The following PPM1L variants were observed in gnomAD, a reference collection of about 807,000 sequenced individuals.
The protein encoded by PPM1L is protein phosphatase 1L.
A neutral mutation model predicts 31.4 loss-of-function variants in PPM1L; 13 were observed. The observed-to-expected ratio is 0.41, with a 90% CI of 0.27 to 0.66. The LOEUF (loss-of-function observed/expected upper bound fraction) is 0.66. Ranked by LOEUF, PPM1L falls within the 30% of genes least tolerant of loss-of-function variation. PPM1L has a pLI of 0.29. For synonymous variants in PPM1L, 184 were observed against 175.4 expected (o/e 1.05, Z -0.39); for missense variants, 326 against 453.7 (o/e 0.72, Z 2.56).
At chr3:160,917,028 A>G (rs1342511510) in intron 1 of PPM1L, among the ~76,000 whole-genome samples, 2 of 152,210 alleles carry the variant, frequency 1.3e-5, no homozygotes, top group Non-Finnish European at 2.9e-5. Flanking sequence ...GAACACAGGC[A>G]CTACTTTCAA....
intron 2 of PPM1L, among the ~76,000 whole-genome samples, chr3:161,032,096 C>T (rs1314847873): frequency 3.9e-5 from 6 of 152,178 alleles, no homozygotes; most frequent in African/African-American, 1.4e-4. Flanking sequence ...TTTAAAATTA[C>T]TCCTTTGTAA....
intron 1 of PPM1L, among the ~76,000 whole-genome samples, chr3:160,919,591 C>G (rs1003685811): frequency 6.6e-6 from 1 of 152,018 alleles, no homozygotes; most frequent in South Asian, 2.1e-4. Context: ...GCTAAGAACG[C>G]GTAGCTTTTT....
At chr3:160,937,022 T>C (rs1373351942) in intron 1 of PPM1L, among the ~76,000 whole-genome samples, 3 of 152,184 alleles carry the variant, frequency 2.0e-5, no homozygotes, top group Admixed American at 6.5e-5. Context: ...GCCTGGCCTA[T>C]AGTAAATGCT....
chr3:161,033,751 C>A (rs1415767359), intron 2 of PPM1L, among the ~76,000 whole-genome samples: 1 of 152,078 alleles, frequency 6.6e-6, no homozygotes, highest in Non-Finnish European at 1.5e-5. Context: ...AGAAGAAAAC[C>A]TGGGCAATAC....
chr3:160,975,416 A>T (rs139270903), intron 2 of PPM1L, among the ~76,000 whole-genome samples: 2 of 152,170 alleles, frequency 1.3e-5, no homozygotes, highest in Non-Finnish European at 2.9e-5. Flanking sequence ...GAAGAAAATC[A>T]TCGGTAGCTT....
intron 1 of PPM1L, among the ~76,000 whole-genome samples, chr3:160,816,808 C>T (rs1713009463): frequency 6.6e-6 from 1 of 152,074 alleles, no homozygotes; most frequent in Admixed American, 6.6e-5. Flanking sequence ...GGCCTCACTT[C>T]TAACCTTATT....
chr3:160,794,568 A>G (rs112095116), intron 1 of PPM1L, among the ~76,000 whole-genome samples: 3 of 152,194 alleles, frequency 2.0e-5, no homozygotes, highest in African/African-American at 7.2e-5. Flanking sequence ...TATCATTTGT[A>G]ACTTCTAAAA....
rs73158241 is a variant in PPM1L at position 160,994,012 on chromosome 3, C to T, written c.574+32102C>T. Among the ~76,000 whole-genome samples the T allele has an allele frequency of 3.8e-3, 574 of 151,842 alleles. 4 individuals carry two copies. The highest frequency in any genetic ancestry group is 6.8e-3 in the Middle Eastern group (2 of 292). The stretch of plus-strand genomic sequence containing the variant: ...TTCTCATGTATGTAAGTAAATTTAT[C>T]CTGATGCCTTTTCTGGTCTTTTTGC... On this transcript the variant is annotated intron_variant, in intron 2 of 3. Transcript: ENST00000498165.
rs557420890 is a variant in PPM1L, at chr3:160,835,936, A to G, written c.399+79229A>G. Among the ~76,000 whole-genome samples the G allele has an allele frequency of 2.6e-5, 4 of 151,634 alleles. No homozygotes were observed. In the East Asian group the frequency reaches 7.8e-4, roughly 30 times the overall value. On this transcript the variant is annotated intron_variant, in intron 1 of 3. Coordinates refer to ENST00000498165, the MANE Select transcript of PPM1L (RefSeq NM_139245.4). ...CATTATCCAGGGGGTATCTAGGGATACCCCCTGGATAGTCTGCTTTTTGAT... is the reference window on the plus strand; with the variant it reads ...CATTATCCAGGGGGTATCTAGGGATGCCCCCTGGATAGTCTGCTTTTTGAT...
At chr3:160,785,827 G>T in intron 1 of PPM1L, among the ~76,000 whole-genome samples, 1 of 146,358 alleles carries the variant, frequency 6.8e-6, no homozygotes, top group Middle Eastern at 3.6e-3. Flanking sequence ...AGACAGCGGT[G>T]CACTGTTTTT....
At chr3:160,757,398 C>T (rs916762167) in intron 1 of PPM1L, among the ~76,000 whole-genome samples, 16 of 152,274 alleles carry the variant, frequency 1.1e-4, no homozygotes, top group African/African-American at 3.9e-4. Flanking sequence ...GGAGGCGGTG[C>T]TTTGACCTCA....
At chr3:160,834,471 ATGTGTGTGTGTGTG>A (rs150328470) in intron 1 of PPM1L, among the ~76,000 whole-genome samples, 322 of 138,996 alleles carry the variant, frequency 2.3e-3, no homozygotes, top group East Asian at 7.7e-3. Context: ...GTGTATGTGT[ATGTGTGTGTGTGTG>A]TGTGTGTGTG....
At chr3:160,794,061 C>G (rs1400973850) in intron 1 of PPM1L, among the ~76,000 whole-genome samples, 1 of 147,594 alleles carries the variant, frequency 6.8e-6, no homozygotes. Flanking sequence ...TACATGACTG[C>G]TCCCTCACCG....
At chr3:160,861,583 T>C (rs977033518) in intron 1 of PPM1L, among the ~76,000 whole-genome samples, 2 of 152,190 alleles carry the variant, frequency 1.3e-5, no homozygotes, top group African/African-American at 4.8e-5. Flanking sequence ...CTAATCTGTA[T>C]AGCGGGGGAC....
chr3:160,978,557 C>T lies in PPM1L; in HGVS notation c.574+16647C>T, dbSNP rs148322328. On this transcript the variant is annotated intron_variant, in intron 2 of 3. Coordinates refer to ENST00000498165, the MANE Select transcript of PPM1L (RefSeq NM_139245.4). ...ATCTATAAAAGCTGAGGGCCAGGCA[C>T]AGTGGCTCATGCCTGTACTACCAAC... Among the ~76,000 whole-genome samples, 17 of 152,300 alleles carry T rather than the reference C, an allele frequency of 1.1e-4. No individual in the cohort carries two copies. In the East Asian group the frequency reaches 3.1e-3, roughly 28 times the overall value.
intron 3 of PPM1L, 21 bp from the exon 4 acceptor site, chr3:161,068,789 TG>T: frequency 6.3e-7 from 1 of 1,580,844 alleles, no homozygotes; most frequent in Non-Finnish European, 8.6e-7. Flanking sequence ...GTCAAACTAA[TG>T]GGCTCATCCT....
intron 1 of PPM1L, among the ~76,000 whole-genome samples, chr3:160,860,586 C>T (rs12494732): frequency 0.45 from 68,721 of 152,066 alleles, 16,626 homozygotes; most frequent in African/African-American, 0.62. Context: ...AGCACTTAGA[C>T]AGTGGAATCC....
chr3:160,796,988 T>A (rs1436106849), intron 1 of PPM1L, among the ~76,000 whole-genome samples: 1 of 152,192 alleles, frequency 6.6e-6, no homozygotes, highest in Non-Finnish European at 1.5e-5. Flanking sequence ...CTTTTACTAA[T>A]CCTCAGCACT....
intron 2 of PPM1L, among the ~76,000 whole-genome samples, chr3:161,038,661 C>T (rs969551730): frequency 2.0e-5 from 3 of 147,166 alleles, no homozygotes; most frequent in Non-Finnish European, 1.5e-5. Flanking sequence ...ATTGTCAGCA[C>T]ATCTTTTTGG....
Sources: gnomAD v4.1 joint callset for allele counts (sites outside exome capture counted in the v4.1 genomes callset) on GRCh38, gnomAD v4.1.1 for gene constraint, MANE v1.5 for transcripts, NCBI Gene and HGNC (gene_info 2026-07-23, HGNC 2026-07-21) for gene names.